SGCZ: variants seen among roughly 807,000 people sequenced by gnomAD.
SGCZ encodes the protein zeta-sarcoglycan.
In SGCZ, 40 loss-of-function variants were observed where a neutral mutation model predicts 41.3. The ratio of observed to expected loss-of-function variants is 0.97; its 90% confidence interval spans 0.75 to 1.26. The LOEUF is 1.26. SGCZ is among the 50% of genes most tolerant of loss of function. The pLI, the probability that SGCZ is intolerant of heterozygous loss-of-function variation, is 0.00. For missense variants in SGCZ, 552 were observed against 369.8 expected (o/e 1.49, Z -4.04); for synonymous variants, 206 against 137.5 (o/e 1.50, Z -3.49).
intron 1 of SGCZ, among the ~76,000 whole-genome samples, chr8:14,694,929 T>C (rs1239520343): frequency 2.0e-5 from 3 of 152,136 alleles, no homozygotes; most frequent in Non-Finnish European, 4.4e-5. Context: ...CAATGTTTAA[T>C]ATAAAATGAA....
Position 14,266,430 on chromosome 8 carries a change from G to C in SGCZ, c.337-28751C>G, listed in dbSNP as rs147517362. Among the ~76,000 whole-genome samples the C allele has an allele frequency of 1.9e-3, 294 of 152,072 alleles. 9 individuals are homozygous for C. In the East Asian group the frequency reaches 0.036, roughly 18 times the overall value. Reference sequence around the variant, plus strand: ...AATATGAACAGGCATATTAAAAAGTGTTTTTCTCAAGACATGATATTTGCA... The same window carrying C: ...AATATGAACAGGCATATTAAAAAGTCTTTTTCTCAAGACATGATATTTGCA... On this transcript the variant is annotated intron_variant, in intron 3 of 7. Transcript: ENST00000382080.
chr8:15,157,953 C>T (rs775260667), intron 1 of SGCZ, among the ~76,000 whole-genome samples: 3 of 152,196 alleles, frequency 2.0e-5, no homozygotes, highest in Non-Finnish European at 4.4e-5. Flanking sequence ...CATTCCAGGG[C>T]CGCTCTTGCC....
At chr8:14,877,817 A>G (rs1187524279) in intron 1 of SGCZ, among the ~76,000 whole-genome samples, 1 of 152,142 alleles carries the variant, frequency 6.6e-6, no homozygotes, top group African/African-American at 2.4e-5. Context: ...ATGATAAGGA[A>G]AAACTGATCA....
At position 14,237,668 on chromosome 8, in the gene SGCZ, C is replaced by G; in HGVS notation, c.348G>C (p.Leu116=). The G allele has an allele frequency of 5.0e-6, 8 of 1,613,578 alleles. No individual in the cohort carries two copies. The highest frequency in any genetic ancestry group is 6.8e-6 in the Non-Finnish European group (8 of 1,179,628). The change falls in exon 4 of 8, where the codon CTG becomes CTC. Residue 116 remains leucine, a synonymous_variant. Coordinates refer to ENST00000382080, the MANE Select transcript of SGCZ (RefSeq NM_139167.4). ...TGACATTCCTGTCAGACTGTAAGAC[C>G]AGCGGACTATCCTGGGAAACATGTA... ...KEIHSRKDSP[L]VLQSDRNVTV...
chr8:14,115,789 T>A (rs1386020168), intron 5 of SGCZ, among the ~76,000 whole-genome samples: 2 of 151,770 alleles, frequency 1.3e-5, no homozygotes, highest in African/African-American at 2.4e-5. Flanking sequence ...TAAACTGAGG[T>A]TTCTTTGGGG....
At chr8:15,102,005 A>T (rs1251723502) in intron 1 of SGCZ, among the ~76,000 whole-genome samples, 3 of 152,110 alleles carry the variant, frequency 2.0e-5, no homozygotes, top group Non-Finnish European at 4.4e-5. Flanking sequence ...CTACCATCTG[A>T]TCCAGCAATC....
intron 1 of SGCZ, among the ~76,000 whole-genome samples, chr8:14,954,273 G>A (rs929999322): frequency 1.3e-5 from 2 of 152,026 alleles, no homozygotes; most frequent in Non-Finnish European, 2.9e-5. Flanking sequence ...TATGGAAAAG[G>A]TTTATAAGTA....
intron 4 of SGCZ, among the ~76,000 whole-genome samples, chr8:14,180,366 C>A (rs974006233): frequency 3.9e-5 from 6 of 152,058 alleles, no homozygotes; most frequent in African/African-American, 1.4e-4. Flanking sequence ...ACTCTGAATG[C>A]GGGGAGGGGG....
At chr8:14,727,197 A>AT (rs1810083328) in intron 1 of SGCZ, among the ~76,000 whole-genome samples, 2 of 152,146 alleles carry the variant, frequency 1.3e-5, no homozygotes, top group African/African-American at 4.8e-5. Context: ...GAAGACATAT[A>AT]AATAGTCAAT....
intron 1 of SGCZ, among the ~76,000 whole-genome samples, chr8:14,963,064 G>C (rs1801012237): frequency 6.6e-6 from 1 of 152,154 alleles, no homozygotes; most frequent in Non-Finnish European, 1.5e-5. Context: ...TTCTGAATGA[G>C]ATGACAAACA....
At chr8:14,563,854 G>A (rs1267249698) in intron 1 of SGCZ, among the ~76,000 whole-genome samples, 6 of 152,098 alleles carry the variant, frequency 3.9e-5, no homozygotes, top group East Asian at 1.9e-4. Context: ...GAATGCAATT[G>A]TATATTGAAA....
rs187748336 is a variant in SGCZ at position 14,432,878 on chromosome 8, C to T, written c.235-108674G>A. 2.7e-4 allele frequency among the ~76,000 whole-genome samples: 34 copies of T among 125,494 alleles called. No individual in the cohort carries two copies. The East Asian group carries it at 8.2e-3, about 30-fold the overall frequency. The allele number at this position is 125,494 out of a possible 152,430, so 82.3% of individuals were successfully genotyped here. A position where few individuals can be genotyped will look rare whatever the true frequency, so the allele number is the denominator to read the frequency against. On this transcript the variant is annotated intron_variant, in intron 2 of 7. Coordinates refer to ENST00000382080, the MANE Select transcript of SGCZ (RefSeq NM_139167.4). ...GCAGTAAGCCAAGATCGTGCTACTGCACTCCAGCCTGGGCAAAAGAGTGAG... is the reference window on the plus strand; with the variant it reads ...GCAGTAAGCCAAGATCGTGCTACTGTACTCCAGCCTGGGCAAAAGAGTGAG...
chr8:14,494,399 T>C (rs867962364), intron 2 of SGCZ, among the ~76,000 whole-genome samples: 6 of 151,976 alleles, frequency 3.9e-5, no homozygotes, highest in South Asian at 2.1e-4. Flanking sequence ...CAGAATCCCA[T>C]GAGCCAAAAG....
intron 1 of SGCZ, among the ~76,000 whole-genome samples, chr8:15,147,922 T>C (rs771028522): frequency 4.5e-4 from 69 of 152,322 alleles, no homozygotes; most frequent in Non-Finnish European, 6.0e-4. Flanking sequence ...TAATTCGTGG[T>C]AGAATTGGGC....
At chr8:14,593,693 A>T (rs1510425) in intron 1 of SGCZ, among the ~76,000 whole-genome samples, 149,596 of 152,242 alleles carry the variant, frequency 0.98, 73,551 homozygotes, top group Non-Finnish European at 1. Flanking sequence ...ACAAAATCAA[A>T]AAATAACAAA....
At chr8:14,782,420 T>C (rs933479970) in intron 1 of SGCZ, among the ~76,000 whole-genome samples, 5 of 152,340 alleles carry the variant, frequency 3.3e-5, no homozygotes, top group African/African-American at 9.6e-5. Context: ...TGTTCATGTA[T>C]CTGTGTGTTT....
intron 1 of SGCZ, among the ~76,000 whole-genome samples, chr8:15,103,239 A>G (rs1403161324): frequency 3.3e-5 from 5 of 152,128 alleles, no homozygotes; most frequent in South Asian, 4.1e-4. Context: ...CATCTCTACT[A>G]AAAATACAAA....
chr8:14,490,887 G>A (rs1401654671), intron 2 of SGCZ, among the ~76,000 whole-genome samples: 1 of 152,100 alleles, frequency 6.6e-6, no homozygotes, highest in African/African-American at 2.4e-5. Flanking sequence ...CTCATATATT[G>A]CTGTTTCAGG....
chr8:15,064,238 G>A (rs1805040550), intron 1 of SGCZ, among the ~76,000 whole-genome samples: 1 of 152,056 alleles, frequency 6.6e-6, no homozygotes, highest in Non-Finnish European at 1.5e-5. Flanking sequence ...TTTCTCAGAA[G>A]CACAAAGCCA....
Sources: gnomAD v4.1 joint callset for allele counts (sites outside exome capture counted in the v4.1 genomes callset) on GRCh38, gnomAD v4.1.1 for gene constraint, MANE v1.5 for transcripts, NCBI Gene and HGNC (gene_info 2026-07-23, HGNC 2026-07-21) for gene names.